Variants in PRPH2 observed in about 807,000 individuals in gnomAD.
PRPH2 encodes peripherin-2.
PRPH2 carries 17 observed loss-of-function variants against 31.3 expected under a neutral mutation model. The observed-to-expected ratio is 0.54, with a 90% CI of 0.37 to 0.81. The LOEUF (loss-of-function observed/expected upper bound fraction) is 0.81. Among genes scored for constraint, PRPH2 ranks in the 40% least tolerant of loss-of-function variants. PRPH2 has a pLI of 0.00. For missense variants in PRPH2, 430 were observed against 439.7 expected (o/e 0.98, Z 0.20); for synonymous variants, 165 against 184.4 (o/e 0.89, Z 0.85).
chr6:42,701,682 A>ATTTTTTTTTTTTTTTTTT (rs70990127), intron 2 of PRPH2, among the ~76,000 whole-genome samples: 8 of 78,524 alleles, frequency 1.0e-4, no homozygotes, highest in African/African-American at 2.0e-4. Flanking sequence ...ACGTCCAGCA[A>ATTTTTTTTTTTTTTTTTT]TTTTTTTTTT....
At chr6:42,699,180 A>C (rs1360605073) in intron 2 of PRPH2, among the ~76,000 whole-genome samples, 2 of 151,972 alleles carry the variant, frequency 1.3e-5, no homozygotes, top group Non-Finnish European at 2.9e-5. Flanking sequence ...AGCCTCTTGA[A>C]TAGCTAACGT....
In PRPH2 at chr6:42,706,433, AT is replaced by A. The variant is rs1293850920; in HGVS notation, c.582-1823del. On this transcript the variant is annotated intron_variant, in intron 1 of 2. Coordinates refer to ENST00000230381, the MANE Select transcript of PRPH2 (RefSeq NM_000322.5). ...AAAAATAAAAATAAAAAATAAAAAAATAAAAATAAAAATACAAAAAAATTAG... is the reference window on the plus strand; with the variant it reads ...AAAAATAAAAATAAAAAATAAAAAAAAAAAATAAAAATACAAAAAAATTAG... 2.0e-5 allele frequency among the ~76,000 whole-genome samples: 3 copies of A among 151,362 alleles called. No individual in the cohort carries two copies. The South Asian group carries it at 6.2e-4, about 32-fold the overall frequency.
chr6:42,706,273 C>T (rs1192649120), intron 1 of PRPH2, among the ~76,000 whole-genome samples: 5 of 151,880 alleles, frequency 3.3e-5, no homozygotes, highest in Non-Finnish European at 5.9e-5. Context: ...GGCGTTGTGG[C>T]GGGCTCTTGT....
At chr6:42,711,843 G>A in intron 1 of PRPH2, 1 of 985,360 alleles carries the variant, frequency 1.0e-6, no homozygotes, top group Non-Finnish European at 1.2e-6. Flanking sequence ...CCCCAGGCTG[G>A]GCCTTCCTGG....
intron 2 of PRPH2, among the ~76,000 whole-genome samples, chr6:42,701,498 A>G (rs1800044276): frequency 6.6e-6 from 1 of 150,380 alleles, no homozygotes; most frequent in Non-Finnish European, 1.5e-5. Context: ...GGCTCAATTG[A>G]TCCTCCTGCC....
chr6:42,717,845 C>T lies in PRPH2; in HGVS notation c.581+3909G>A, dbSNP rs1320300320. Among the ~76,000 whole-genome samples the T allele has an allele frequency of 6.6e-5, 10 of 152,140 alleles. No homozygotes were observed. In the East Asian group the frequency reaches 1.9e-3, roughly 29 times the overall value. On this transcript the variant is annotated intron_variant, in intron 1 of 2. Coordinates refer to ENST00000230381, the MANE Select transcript of PRPH2 (RefSeq NM_000322.5). Reference sequence around the variant, plus strand: ...ACATAATCCCAGGAGCCTCACTTCCCTCGCAGGCCTTGTTCAGTGATCATG... The same window carrying T: ...ACATAATCCCAGGAGCCTCACTTCCTTCGCAGGCCTTGTTCAGTGATCATG...
intron 2 of PRPH2, among the ~76,000 whole-genome samples, chr6:42,702,274 C>T (rs1800060544): frequency 6.6e-6 from 1 of 150,744 alleles, no homozygotes; most frequent in Non-Finnish European, 1.5e-5. Context: ...CCTGGACATA[C>T]AGTCACCCTT....
At chr6:42,717,384 A>C (rs1761808522) in intron 1 of PRPH2, among the ~76,000 whole-genome samples, 1 of 151,846 alleles carries the variant, frequency 6.6e-6, no homozygotes, top group Non-Finnish European at 1.5e-5. Context: ...GCACCATGGC[A>C]CTCCAGCCTG....
Position 42,722,140 on chromosome 6 carries a change from T to C in PRPH2, c.195A>G (p.Ile65Met). 6.2e-7 allele frequency: 1 copy of C among 1,614,144 alleles called. No individual in the cohort carries two copies. The highest frequency in any genetic ancestry group is 2.2e-5 in the East Asian group (1 of 44,878). The change falls in exon 1 of 3, where the codon ATA (isoleucine) becomes ATG (methionine). Residue 65 changes from isoleucine (I) to methionine (M), a missense_variant. By Grantham distance (10) the Ile-to-Met change is conservative. Transcript: ENST00000230381. The surrounding 1 kb of genome is among the most constrained non-coding windows in gnomAD (Gnocchi z 4.4). ...AGACACAGGATAGCACCCCCATCCC[T>C]ATCAATGAGTTGGGCACAAAATGGC... is the stretch of plus-strand genomic sequence containing the variant. ...SESHFVPNSL[I>M]GMGVLSCVFN...
At position 42,722,297 on chromosome 6, in the gene PRPH2, C is replaced by T. The variant is rs745427463; in HGVS notation, c.38G>A (p.Arg13Gln). The change falls in exon 1 of 3, where the codon CGG becomes CAG. Residue 13 changes from arginine to glutamine, a missense_variant. Physicochemically the swap from Arg to Gln is conservative, Grantham distance 43. Transcript: ENST00000230381. This position sits in a 1 kb window ranked among gnomAD's most constrained non-coding sequence, Gnocchi z 4.4. Reference protein sequence around the residue: ...LLKVKFDQKKRVKLAQGLWLM... With the variant: ...LLKVKFDQKKQVKLAQGLWLM... ...CCAGAGCCCTTGGGCCAACTTGACC[C>T]GCTTCTTCTGGTCAAACTTGACTTT... 6.8e-6 allele frequency: 11 copies of T among 1,614,078 alleles called. No individual in the cohort carries two copies. Among genetic ancestry groups the T allele is most frequent in the Admixed American group, 3.3e-5 (2 of 60,026 alleles).
chr6:42,709,622 G>C (rs927295763), intron 1 of PRPH2, among the ~76,000 whole-genome samples: 10 of 152,178 alleles, frequency 6.6e-5, no homozygotes, highest in African/African-American at 2.4e-4. Context: ...CAACCACTCT[G>C]TGGGGCCAGG....
chr6:42,715,232 A>C (rs1223871527), intron 1 of PRPH2, among the ~76,000 whole-genome samples: 1 of 151,838 alleles, frequency 6.6e-6, no homozygotes, highest in African/African-American at 2.4e-5. Flanking sequence ...AACAAACAAA[A>C]ACTAAAAAAG....
chr6:42,711,008 C>T (rs1361115758), intron 1 of PRPH2, among the ~76,000 whole-genome samples: 1 of 152,170 alleles, frequency 6.6e-6, no homozygotes, highest in Non-Finnish European at 1.5e-5. Context: ...GCATTTGGTA[C>T]ACACTATGTG....
intron 1 of PRPH2, 41 bp downstream of exon 1, chr6:42,721,713 A>G (rs766542243): frequency 4.3e-6 from 7 of 1,609,984 alleles, no homozygotes; most frequent in East Asian, 2.2e-5. Context: ...AGTGTCCCCA[A>G]TATATTCATA....
chr6:42,718,727 C>A (rs965627162), intron 1 of PRPH2, among the ~76,000 whole-genome samples: 2 of 152,098 alleles, frequency 1.3e-5, no homozygotes, highest in Admixed American at 6.5e-5. Flanking sequence ...TAGCTCACTA[C>A]AACCTCTGCC....
At chr6:42,703,822 G>T (rs1038300545) in intron 2 of PRPH2, among the ~76,000 whole-genome samples, 1 of 152,046 alleles carries the variant, frequency 6.6e-6, no homozygotes, top group African/African-American at 2.4e-5. Flanking sequence ...AACAATTGTC[G>T]GTCGGGTGCA....
intron 1 of PRPH2, among the ~76,000 whole-genome samples, chr6:42,706,544 G>T (rs1366992147): frequency 6.6e-6 from 1 of 151,532 alleles, no homozygotes; most frequent in African/African-American, 2.4e-5. Flanking sequence ...CGCAGAGGTT[G>T]CAGTGAGCCG....
intron 1 of PRPH2, among the ~76,000 whole-genome samples, chr6:42,716,628 T>G (rs1582775618): frequency 1.4e-5 from 2 of 146,926 alleles, no homozygotes; most frequent in Non-Finnish European, 3.0e-5. Context: ...TTTTTTTTTT[T>G]TTTTTTTTTG....
At chr6:42,700,796 A>T (rs940660188) in intron 2 of PRPH2, among the ~76,000 whole-genome samples, 1 of 152,104 alleles carries the variant, frequency 6.6e-6, no homozygotes, top group African/African-American at 2.4e-5. Flanking sequence ...TCAGACTCCT[A>T]ACATTATGCT....
Sources: allele counts gnomAD v4.1 joint callset (sites outside exome capture counted in the v4.1 genomes callset), GRCh38; gene constraint gnomAD v4.1.1; non-coding constraint Gnocchi (gnomAD v3.1); transcripts MANE v1.5; gene names NCBI Gene and HGNC (gene_info 2026-07-23, HGNC 2026-07-21).